ZNF280C: variants seen among roughly 807,000 people sequenced by gnomAD.
The protein encoded by ZNF280C is suppressor of hairy wing homolog 3.
Under a neutral mutation model 53.6 loss-of-function variants are expected in ZNF280C, and 14 were observed. That is an observed-to-expected ratio of 0.26 (90% confidence interval 0.17 to 0.41). The LOEUF is 0.41. Among genes scored for constraint, ZNF280C ranks in the 10% least tolerant of loss-of-function variants. The probability of loss-of-function intolerance (pLI) is 1.00; values close to 1 mark genes in which losing one functional copy is unlikely to be tolerated. For missense variants in ZNF280C, 416 were observed against 547.1 expected (o/e 0.76, Z 2.39); for synonymous variants, 203 against 181.1 (o/e 1.12, Z -0.97).
intron 1 of ZNF280C, among the ~76,000 whole-genome samples, chrX:130,264,181 G>A (rs1348697822): frequency 1.8e-5 from 2 of 111,404 alleles, no homozygotes; most frequent in African/African-American, 3.3e-5. Context: ...AGTAGAGAAA[G>A]GGAGAGTAGG....
chrX:130,208,595 T>G (rs1327771752), intron 16 of ZNF280C, among the ~76,000 whole-genome samples: 7 of 112,566 alleles, frequency 6.2e-5, no homozygotes, highest in Non-Finnish European at 1.3e-4. Flanking sequence ...TCTTTAGAAT[T>G]AAATCTCTTT....
chrX:130,230,900 C>T (rs2032270046), intron 8 of ZNF280C, among the ~76,000 whole-genome samples, 173 bp from the exon 9 acceptor site: 1 of 111,791 alleles, frequency 8.9e-6, no homozygotes, highest in Non-Finnish European at 1.9e-5. Flanking sequence ...TAAAAAAATT[C>T]AAACAATAAA....
At position 130,243,727 on chromosome X, in the gene ZNF280C, G is replaced by A; in HGVS notation, c.245-28C>T. On this transcript the variant is annotated intron_variant, in intron 4 of 18. Transcript: ENST00000370978. ...GTATTTTAAAATTATACAACATATT[G>A]AATATATTTCTATACAACCAATTAT... 4.2e-6 allele frequency: 5 copies of A among 1,180,602 alleles called. No individual in the cohort carries two copies. The South Asian group carries it at 9.4e-5, about 22-fold the overall frequency.
intron 3 of ZNF280C, 69 bp downstream of exon 3, chrX:130,246,790 T>C: frequency 1.8e-6 from 2 of 1,116,965 alleles, no homozygotes; most frequent in South Asian, 2.0e-5. Flanking sequence ...GAAGGACAGA[T>C]ATCTCATATA....
At chrX:130,205,840 G>T (rs113525310) in intron 16 of ZNF280C, among the ~76,000 whole-genome samples, 6,295 of 98,518 alleles carry the variant, frequency 0.064, 524 homozygotes, top group African/African-American at 0.22. Context: ...AGTGAGCCAA[G>T]ATTGTGCCAC....
At chrX:130,226,945 A>T in intron 11 of ZNF280C, 40 bp from the exon 12 acceptor site, 1 of 1,139,672 alleles carries the variant, frequency 8.8e-7, no homozygotes, top group Non-Finnish European at 1.2e-6. Flanking sequence ...TTGATATTTT[A>T]TAACTTCTTG....
intron 15 of ZNF280C, among the ~76,000 whole-genome samples, chrX:130,210,171 C>T (rs938710494): frequency 4.5e-5 from 5 of 111,947 alleles, no homozygotes; most frequent in African/African-American, 1.6e-4. Flanking sequence ...TATAAGCTAC[C>T]CAGTCTATGG....
chrX:130,218,254 T>C (rs1272571298), intron 13 of ZNF280C, among the ~76,000 whole-genome samples: 2 of 111,615 alleles, frequency 1.8e-5, no homozygotes, highest in Admixed American at 1.9e-4. Context: ...ATAATAACTC[T>C]GGAAAGGCCT....
At chrX:130,231,398 C>T (rs1034057132) in intron 8 of ZNF280C, among the ~76,000 whole-genome samples, 2 of 112,031 alleles carry the variant, frequency 1.8e-5, no homozygotes, top group Non-Finnish European at 3.8e-5. Context: ...AATGAAATAA[C>T]GTCCTTTGCA....
At chrX:130,222,498 G>T (rs1037708758) in intron 12 of ZNF280C, among the ~76,000 whole-genome samples, 5 of 111,497 alleles carry the variant, frequency 4.5e-5, no homozygotes, top group Non-Finnish European at 9.4e-5. Flanking sequence ...TGAGCAGCAG[G>T]CACAATTTAA....
At chrX:130,212,946 A>G (rs1954682765) in intron 15 of ZNF280C, among the ~76,000 whole-genome samples, 1 of 112,481 alleles carries the variant, frequency 8.9e-6, no homozygotes, top group African/African-American at 3.2e-5. Flanking sequence ...ACCTTGAGAC[A>G]GGAAAAAGTT....
At chrX:130,219,615 C>G (rs2048311531) in intron 13 of ZNF280C, among the ~76,000 whole-genome samples, 1 of 109,494 alleles carries the variant, frequency 9.1e-6, no homozygotes, top group South Asian at 3.9e-4. Context: ...TATCCAGGAG[C>G]AAAACTTGCT....
chrX:130,266,311 T>A (rs185522820), intron 1 of ZNF280C, among the ~76,000 whole-genome samples: 1 of 110,645 alleles, frequency 9.0e-6, no homozygotes, highest in Non-Finnish European at 1.9e-5. Context: ...AAACAGAGAG[T>A]AGAAAGATGG....
At chrX:130,218,829 G>A (rs1603240535) in intron 13 of ZNF280C, among the ~76,000 whole-genome samples, 1 of 111,342 alleles carries the variant, frequency 9.0e-6, no homozygotes, top group South Asian at 3.8e-4. Flanking sequence ...GTATGGAAAG[G>A]CACACCGAAC....
intron 8 of ZNF280C, 92 bp from the exon 9 acceptor site, chrX:130,230,819 TA>T (rs1461990781): frequency 2.4e-5 from 13 of 553,072 alleles, no homozygotes; most frequent in Non-Finnish European, 3.1e-5. Flanking sequence ...GGTCAGATGA[TA>T]TAAAACTACG....
intron 8 of ZNF280C, 70 bp downstream of exon 8, chrX:130,236,144 A>G (rs1261106977): frequency 2.9e-6 from 2 of 698,718 alleles, no homozygotes; most frequent in South Asian, 3.4e-5. Flanking sequence ...CATTTACTGT[A>G]TATCAATTTT....
rs1365350821 is a variant in ZNF280C, at chrX:130,236,592, C to T, written c.541G>A (p.Val181Ile). 2 of 1,195,237 alleles carry T rather than the reference C, an allele frequency of 1.7e-6. No individual in the cohort carries two copies. Among genetic ancestry groups the T allele is most frequent in the East Asian group, 3.0e-5 (1 of 33,410 alleles). ...GGTTTTTTTGGAGTAACACTGTTTA[C>T]TTTAGAAGTAGAAGGATGTTTCAAC... ...YVLKHPSTSK[V>I]NSVTPKKPKT... Residue 181 changes from valine to isoleucine, a missense_variant, in exon 7 of 19, where the codon GTA (valine) becomes ATA (isoleucine). Physicochemically the swap from Val to Ile is conservative, Grantham distance 29. Coordinates refer to ENST00000370978, the MANE Select transcript of ZNF280C (RefSeq NM_017666.5).
chrX:130,262,143 A>G (rs2032636993), intron 1 of ZNF280C, among the ~76,000 whole-genome samples: 1 of 112,220 alleles, frequency 8.9e-6, no homozygotes, highest in Non-Finnish European at 1.9e-5. Flanking sequence ...CTCAATTGGT[A>G]CGCTCATAAA....
intron 8 of ZNF280C, among the ~76,000 whole-genome samples, chrX:130,232,160 G>C (rs1346557930): frequency 9.5e-6 from 1 of 105,528 alleles, no homozygotes; most frequent in Non-Finnish European, 1.9e-5. Context: ...CCATTCTCCA[G>C]ACTTACCATG....
Sources: allele counts gnomAD v4.1 joint callset (sites outside exome capture counted in the v4.1 genomes callset), GRCh38; gene constraint gnomAD v4.1.1; transcripts MANE v1.5; gene names NCBI Gene and HGNC (gene_info 2026-07-23, HGNC 2026-07-21).